The following MAN1A1 variants were observed in gnomAD, a reference collection of about 807,000 sequenced individuals.
The protein encoded by MAN1A1 is mannosyl-oligosaccharide 1,2-alpha-mannosidase IA.
Under a neutral mutation model 70.8 loss-of-function variants are expected in MAN1A1, and 29 were observed. The ratio of observed to expected loss-of-function variants is 0.41; its 90% CI spans 0.31 to 0.56. The LOEUF (loss-of-function observed/expected upper bound fraction) is 0.56. Ranked by LOEUF, MAN1A1 falls within the 20% of genes least tolerant of loss-of-function variation. The pLI is 0.29. For synonymous variants in MAN1A1, 349 were observed against 330.1 expected, an observed-to-expected ratio of 1.06 and a Z score of -0.62; for missense variants, 747 against 841.3, an observed-to-expected ratio of 0.89 and a Z score of 1.39.
chr6:119,219,662 G>A (rs1228843069), intron 6 of MAN1A1, among the ~76,000 whole-genome samples: 1 of 150,496 alleles, frequency 6.6e-6, no homozygotes, highest in African/African-American at 2.4e-5. Flanking sequence ...TTCACTTGGA[G>A]ATAGAATTGT....
intron 5 of MAN1A1, among the ~76,000 whole-genome samples, chr6:119,264,628 C>G (rs1431486917): frequency 1.3e-5 from 2 of 152,106 alleles, no homozygotes; most frequent in African/African-American, 2.4e-5. Flanking sequence ...AGTCATGTCT[C>G]TAAGTCATTT....
intron 6 of MAN1A1, among the ~76,000 whole-genome samples, chr6:119,225,220 A>G (rs1774473366): frequency 6.6e-6 from 1 of 152,148 alleles, no homozygotes; most frequent in African/African-American, 2.4e-5. Flanking sequence ...AGACTTGTGA[A>G]ATAACATTTA....
At position 119,177,352 on chromosome 6, in the gene MAN1A1, A is replaced by T. The variant is rs1773032655; in HGVS notation, c.*2467T>A. ...GAATGGATTTATGTAAAAATAAAAA[A>T]CAATCAATGTACACAATGTGTAGCT... On this transcript the variant is annotated 3_prime_UTR_variant, in exon 13 of 13. Coordinates refer to ENST00000368468, the MANE Select transcript of MAN1A1 (RefSeq NM_005907.4). The T allele has an allele frequency of 6.6e-6, 1 of 152,142 alleles. No homozygotes were observed. The highest frequency in any genetic ancestry group is 1.5e-5 in the Non-Finnish European group (1 of 67,950). The allele number at this position is 152,142 out of a possible 1,614,324, so 9.4% of individuals were successfully genotyped here. A position where few individuals can be genotyped will look rare whatever the true frequency, so the allele number is the denominator to read the frequency against.
intron 5 of MAN1A1, among the ~76,000 whole-genome samples, chr6:119,255,112 C>T (rs906717233): frequency 1.6e-4 from 24 of 152,170 alleles, no homozygotes; most frequent in African/African-American, 5.5e-4. Context: ...GTTTGCAGTT[C>T]CCTAAAGAAC....
chr6:119,186,279 C>A (rs12528343), intron 11 of MAN1A1, among the ~76,000 whole-genome samples: 1 of 151,866 alleles, frequency 6.6e-6, no homozygotes. Context: ...TGTCTTTAAG[C>A]GGAAAGCTGG....
intron 4 of MAN1A1, among the ~76,000 whole-genome samples, chr6:119,299,702 T>C (rs1772332383): frequency 6.6e-6 from 1 of 152,186 alleles, no homozygotes; most frequent in African/African-American, 2.4e-5. Flanking sequence ...ATTCTTCTCT[T>C]CTACATAGTC....
chr6:119,216,357 T>C (rs775813445), intron 6 of MAN1A1, among the ~76,000 whole-genome samples: 2 of 152,056 alleles, frequency 1.3e-5, no homozygotes, highest in Non-Finnish European at 2.9e-5. Context: ...GTGCTGATAG[T>C]AGAGATGGAC....
intron 2 of MAN1A1, among the ~76,000 whole-genome samples, chr6:119,308,336 T>G (rs549266044): frequency 6.6e-6 from 1 of 152,170 alleles, no homozygotes; most frequent in Non-Finnish European, 1.5e-5. Flanking sequence ...AGATTGTTGA[T>G]CTTTCAACAA....
At chr6:119,316,172 T>TG (rs1232595922) in intron 2 of MAN1A1, among the ~76,000 whole-genome samples, 168 of 125,948 alleles carry the variant, frequency 1.3e-3, no homozygotes, top group Middle Eastern at 0.013. Context: ...TTCATTTTTG[T>TG]GGGTTTTTTT....
chr6:119,263,608 C>T (rs1775672126), intron 5 of MAN1A1, among the ~76,000 whole-genome samples: 2 of 152,098 alleles, frequency 1.3e-5, no homozygotes, highest in Non-Finnish European at 2.9e-5. Context: ...CATGACACGC[C>T]ATGTACCTAC....
chr6:119,180,258 CA>C (rs1773114856), intron 12 of MAN1A1, 53 bp downstream of exon 12: 3 of 1,217,252 alleles, frequency 2.5e-6, no homozygotes, highest in Middle Eastern at 1.9e-4. Flanking sequence ...AAGACATCTA[CA>C]AAGATCTGTT....
At chr6:119,274,162 A>G (rs17442478) in intron 5 of MAN1A1, among the ~76,000 whole-genome samples, 6,289 of 152,310 alleles carry the variant, frequency 0.041, 146 homozygotes, top group African/African-American at 0.054. Context: ...TTTGTGAACA[A>G]TTAACATAAT....
chr6:119,340,683 C>G (rs897274444), intron 2 of MAN1A1, among the ~76,000 whole-genome samples: 4 of 152,184 alleles, frequency 2.6e-5, no homozygotes, highest in African/African-American at 7.2e-5. Flanking sequence ...CCTTTCAGAA[C>G]TTGGTGTCCT....
chr6:119,275,517 G>A (rs56262658), intron 5 of MAN1A1, among the ~76,000 whole-genome samples: 19 of 147,770 alleles, frequency 1.3e-4, no homozygotes, highest in African/African-American at 4.3e-4. Flanking sequence ...CGTTTTAGCC[G>A]GGATGGTCTT....
chr6:119,211,045 A>G, intron 6 of MAN1A1: 1 of 328,438 alleles, frequency 3.0e-6, no homozygotes. Context: ...GAAGCATAGT[A>G]TATTCCATCT....
chr6:119,178,846 C>A lies in MAN1A1; in HGVS notation c.*973G>T, dbSNP rs1773073061. On this transcript the variant is annotated 3_prime_UTR_variant, in exon 13 of 13. Transcript: ENST00000368468. ...AGAGCCTTTTTCAAATCTGAGAAAT[C>A]TGAACCAAATAGAATGCTTTATTTT... 3 of 152,002 alleles carry A rather than the reference C, an allele frequency of 2.0e-5. No individual in the cohort carries two copies. Among genetic ancestry groups the A allele is most frequent in the Admixed American group, 2.0e-4 (3 of 15,254 alleles). 9.4% of individuals were successfully genotyped at this position (152,002 alleles called of 1,614,324 possible).
chr6:119,230,424 G>T (rs1562202101), intron 6 of MAN1A1, among the ~76,000 whole-genome samples: 3 of 152,154 alleles, frequency 2.0e-5, no homozygotes, highest in Non-Finnish European at 2.9e-5. Context: ...GCTGCTCTCT[G>T]CCCCAGGGGG....
chr6:119,318,665 T>C (rs2114472561), intron 2 of MAN1A1, among the ~76,000 whole-genome samples: 1 of 152,324 alleles, frequency 6.6e-6, no homozygotes, highest in South Asian at 2.1e-4. Context: ...AGGGAAAGCA[T>C]TAAATGTACT....
At chr6:119,293,522 C>T (rs1273106419) in intron 4 of MAN1A1, among the ~76,000 whole-genome samples, 1 of 152,020 alleles carries the variant, frequency 6.6e-6, no homozygotes. Context: ...ATAAATCTTG[C>T]TCTGGAACAT....
Sources: allele counts gnomAD v4.1 joint callset (sites outside exome capture counted in the v4.1 genomes callset), GRCh38; gene constraint gnomAD v4.1.1; transcripts MANE v1.5; gene names NCBI Gene and HGNC (gene_info 2026-07-23, HGNC 2026-07-21).